Variants in S100A14 observed in about 807,000 individuals in gnomAD.
The protein encoded by S100A14 is S100 calcium binding protein A14.
In S100A14, 6 loss-of-function variants were observed where a neutral mutation model predicts 10.6. The observed-to-expected ratio is 0.57, with a 90% CI of 0.31 to 1.12. S100A14 has a LOEUF of 1.12. Among genes scored for constraint, S100A14 ranks in the 50% most tolerant of loss-of-function variants. The pLI is 0.06. For synonymous variants in S100A14, 51 were observed against 51.0 expected (o/e 1.00, Z 0.00); for missense variants, 121 against 128.7 (o/e 0.94, Z 0.29).
rs1163175130 is a variant in S100A14 at position 153,614,970 on chromosome 1, G to C, written c.230C>G (p.Ser77Cys). Residue 77 changes from serine (S) to cysteine (C), a missense_variant, in exon 4 of 4, where the codon TCT becomes TGT. Coordinates refer to ENST00000344616, the MANE Select transcript of S100A14 (RefSeq NM_020672.3). ...KIANLGSCND[S>C]KLEFRSFWEL... ...CCAGAAACTCCTGAACTCCAGTTTAGAGTCATTGCAGCTGCCCAGGTTGGC... is the reference window on the plus strand; with the variant it reads ...CCAGAAACTCCTGAACTCCAGTTTACAGTCATTGCAGCTGCCCAGGTTGGC... 2 of 1,613,994 alleles carry C rather than the reference G, an allele frequency of 1.2e-6. No individual in the cohort carries two copies. Among genetic ancestry groups the C allele is most frequent in the East Asian group, 2.2e-5 (1 of 44,878 alleles).
Position 153,615,928 on chromosome 1 carries a change from G to A in S100A14, c.-70C>T, listed in dbSNP as rs918050529. On this transcript the variant is annotated 5_prime_UTR_variant, in exon 2 of 4. Coordinates refer to ENST00000344616, the MANE Select transcript of S100A14 (RefSeq NM_020672.3). The stretch of plus-strand genomic sequence containing the variant: ...ATAGCTGGCCCCAGAGGAGCTGATG[G>A]CTCATGATCTGCTTAGAGGAGGGGG... 1.0e-5 allele frequency: 15 copies of A among 1,497,778 alleles called. No individual in the cohort carries two copies. The highest frequency in any genetic ancestry group is 1.4e-5 in the Non-Finnish European group (15 of 1,074,166). 92.8% of individuals were successfully genotyped at this position (1,497,778 alleles called of 1,614,324 possible).
chr1:153,615,938 T>C lies in S100A14; in HGVS notation c.-78-2A>G, dbSNP rs1303060479. 2 of 1,424,832 alleles carry C rather than the reference T, an allele frequency of 1.4e-6. No homozygotes were observed. The highest frequency in any genetic ancestry group is 2.0e-6 in the Non-Finnish European group (2 of 1,008,648). The allele number at this position is 1,424,832 out of a possible 1,614,324, so 88.3% of individuals were successfully genotyped here. On this transcript the variant is annotated splice_acceptor_variant, in intron 1 of 3. Coordinates refer to ENST00000344616, the MANE Select transcript of S100A14 (RefSeq NM_020672.3). LOFTEE classifies it low-confidence loss of function (5UTR_SPLICE). ...CCAGAGGAGCTGATGGCTCATGATCTGCTTAGAGGAGGGGGTAGGCCTGAG... is the reference window on the plus strand; with the variant it reads ...CCAGAGGAGCTGATGGCTCATGATCCGCTTAGAGGAGGGGGTAGGCCTGAG...
At position 153,615,915 on chromosome 1, in the gene S100A14, A is replaced by G; in HGVS notation, c.-57T>C. The stretch of plus-strand genomic sequence containing the variant: ...GTTCTGTTGTCCTATAGCTGGCCCC[A>G]GAGGAGCTGATGGCTCATGATCTGC... On this transcript the variant is annotated 5_prime_UTR_variant, in exon 2 of 4. Transcript: ENST00000344616. 1 of 1,578,402 alleles carries G rather than the reference A, an allele frequency of 6.3e-7. No individual in the cohort carries two copies. The highest frequency in any genetic ancestry group is 8.7e-7 in the Non-Finnish European group (1 of 1,147,668).
At chr1:153,616,185 C>T (rs1183616146) in intron 1 of S100A14, 110 bp downstream of exon 1, 1 of 281,846 alleles carries the variant, frequency 3.5e-6, no homozygotes, top group African/African-American at 2.1e-5. Context: ...CCCACCTCTG[C>T]TTGAAACACA....
At position 153,614,831 on chromosome 1, in the gene S100A14, T is replaced by C; in HGVS notation, c.*54A>G. On this transcript the variant is annotated 3_prime_UTR_variant, in exon 4 of 4. Transcript: ENST00000344616. ...GTGGTGGTAGAGGAGACAAGTTTTATCTCCAGGCCCACAGTCTCTCCCCAA... is the reference window on the plus strand; with the variant it reads ...GTGGTGGTAGAGGAGACAAGTTTTACCTCCAGGCCCACAGTCTCTCCCCAA... 1 of 1,586,790 alleles carries C rather than the reference T, an allele frequency of 6.3e-7. No individual in the cohort carries two copies. Among genetic ancestry groups the C allele is most frequent in the Non-Finnish European group, 8.6e-7 (1 of 1,167,096 alleles).
In S100A14 at chr1:153,614,825, G is replaced by C. The variant is rs1666923995; in HGVS notation, c.*60C>G. 1 of 1,580,816 alleles carries C rather than the reference G, an allele frequency of 6.3e-7. No individual in the cohort carries two copies. The highest frequency in any genetic ancestry group is 8.6e-7 in the Non-Finnish European group (1 of 1,163,310). ...TACAGGGTGGTGGTAGAGGAGACAA[G>C]TTTTATCTCCAGGCCCACAGTCTCT... On this transcript the variant is annotated 3_prime_UTR_variant, in exon 4 of 4. Transcript: ENST00000344616.
Position 153,614,752 on chromosome 1 carries a change from G to T in S100A14, c.*133C>A. 1 of 1,109,784 alleles carries T rather than the reference G, an allele frequency of 9.0e-7. No homozygotes were observed. Among genetic ancestry groups the T allele is most frequent in the Non-Finnish European group, 1.3e-6 (1 of 787,308 alleles). The allele number at this position is 1,109,784 out of a possible 1,614,324, so 68.7% of individuals were successfully genotyped here. On this transcript the variant is annotated 3_prime_UTR_variant, in exon 4 of 4. Coordinates refer to ENST00000344616, the MANE Select transcript of S100A14 (RefSeq NM_020672.3). Reference sequence around the variant, plus strand: ...CCAAGACAGAGTGCACAGAGACCTGGGGAAGGAAGCTGAACTTTGCAGAGA... The same window carrying T: ...CCAAGACAGAGTGCACAGAGACCTGTGGAAGGAAGCTGAACTTTGCAGAGA...
Position 153,615,039 on chromosome 1 carries a change from A to C in S100A14, c.178-17T>G. Reference sequence around the variant, plus strand: ...ACAGTTGCTCTGAGGGGAGTGAAGAAACCATGGCTCAGGGATGCAGCACCT... The same window carrying C: ...ACAGTTGCTCTGAGGGGAGTGAAGACACCATGGCTCAGGGATGCAGCACCT... On this transcript the variant is annotated splice_polypyrimidine_tract_variant and intron_variant, in intron 3 of 3. Coordinates refer to ENST00000344616, the MANE Select transcript of S100A14 (RefSeq NM_020672.3). 6.2e-7 allele frequency: 1 copy of C among 1,612,838 alleles called. No individual in the cohort carries two copies. The highest frequency in any genetic ancestry group is 8.5e-7 in the Non-Finnish European group (1 of 1,179,378).
At position 153,614,775 on chromosome 1, in the gene S100A14, A is replaced by C; in HGVS notation, c.*110T>G. On this transcript the variant is annotated 3_prime_UTR_variant, in exon 4 of 4. Transcript: ENST00000344616. ...TGGGGAAGGAAGCTGAACTTTGCAG[A>C]GATGAGGACAGGTGCAGGCTAGGGT... The C allele has an allele frequency of 7.6e-7, 1 of 1,321,720 alleles. No individual in the cohort carries two copies. The highest frequency in any genetic ancestry group is 1.0e-6 in the Non-Finnish European group (1 of 963,460). The allele number at this position is 1,321,720 out of a possible 1,614,324, so 81.9% of individuals were successfully genotyped here.
chr1:153,615,055 T>G lies in S100A14; in HGVS notation c.178-33A>C, dbSNP rs750997012. On this transcript the variant is annotated intron_variant, in intron 3 of 3. Transcript: ENST00000344616. ...GAGTGAAGAAACCATGGCTCAGGGA[T>G]GCAGCACCTTCCAATCTTCCCACCC... 5 of 1,609,168 alleles carry G rather than the reference T, an allele frequency of 3.1e-6. No homozygotes were observed. The East Asian group carries it at 8.9e-5, about 29-fold the overall frequency.
chr1:153,614,588 C>A lies in S100A14; in HGVS notation c.*297G>T. 3.1e-6 allele frequency: 1 copy of A among 321,142 alleles called. No homozygotes were observed. Among genetic ancestry groups the A allele is most frequent in the Non-Finnish European group, 5.7e-6 (1 of 174,528 alleles). 19.9% of individuals were successfully genotyped at this position (321,142 alleles called of 1,614,324 possible). On this transcript the variant is annotated 3_prime_UTR_variant, in exon 4 of 4. Coordinates refer to ENST00000344616, the MANE Select transcript of S100A14 (RefSeq NM_020672.3). The stretch of plus-strand genomic sequence containing the variant: ...ATTCAAATCATTTCCCATAGCCCAG[C>A]TCCTCTCTGTTCTCCCCCTACTACC...
chr1:153,614,807 T>G lies in S100A14; in HGVS notation c.*78A>C. ...GACAGGTGCAGGCTAGGGTACAGGG[T>G]GGTGGTAGAGGAGACAAGTTTTATC... is the stretch of plus-strand genomic sequence containing the variant. On this transcript the variant is annotated 3_prime_UTR_variant, in exon 4 of 4. Coordinates refer to ENST00000344616, the MANE Select transcript of S100A14 (RefSeq NM_020672.3). 1 of 1,525,318 alleles carries G rather than the reference T, an allele frequency of 6.6e-7. No homozygotes were observed. The allele number at this position is 1,525,318 out of a possible 1,614,324, so 94.5% of individuals were successfully genotyped here.
chr1:153,615,801 C>CA, intron 2 of S100A14, 28 bp downstream of exon 2: 4 of 1,613,244 alleles, frequency 2.5e-6, no homozygotes, highest in Non-Finnish European at 3.4e-6. Context: ...AGTGTGGGAG[C>CA]AGAAAGGCCA....
intron 2 of S100A14, among the ~76,000 whole-genome samples, 192 bp from the exon 3 acceptor site, chr1:153,615,573 T>C (rs905786828): frequency 1.3e-5 from 2 of 151,692 alleles, no homozygotes; most frequent in Non-Finnish European, 2.9e-5. Flanking sequence ...CAGCTACAGG[T>C]TGGGGAAGGC....
intron 3 of S100A14, 56 bp downstream of exon 3, chr1:153,615,179 A>G: frequency 6.2e-7 from 1 of 1,604,598 alleles, no homozygotes; most frequent in Non-Finnish European, 8.5e-7. Flanking sequence ...GGGGTCCCGG[A>G]GCACTTGCTT....
Position 153,615,937 on chromosome 1 carries a change from C to A in S100A14, c.-78-1G>T. ...CCCAGAGGAGCTGATGGCTCATGAT[C>A]TGCTTAGAGGAGGGGGTAGGCCTGA... is the stretch of plus-strand genomic sequence containing the variant. On this transcript the variant is annotated splice_acceptor_variant, in intron 1 of 3. Coordinates refer to ENST00000344616, the MANE Select transcript of S100A14 (RefSeq NM_020672.3). LOFTEE classifies it low-confidence loss of function (5UTR_SPLICE). 1 of 1,446,284 alleles carries A rather than the reference C, an allele frequency of 6.9e-7. No individual in the cohort carries two copies. The highest frequency in any genetic ancestry group is 1.1e-5 in the South Asian group (1 of 87,564). 89.6% of individuals were successfully genotyped at this position (1,446,284 alleles called of 1,614,324 possible).
intron 1 of S100A14, 32 bp from the exon 2 acceptor site, chr1:153,615,968 GGA>G (rs932397919): frequency 9.6e-7 from 1 of 1,046,300 alleles, no homozygotes; most frequent in Non-Finnish European, 1.5e-6. Flanking sequence ...CCTGAGCTGA[GGA>G]GAGAGTCTAG....
In S100A14 at chr1:153,614,832, C is replaced by T. The variant is rs11548104; in HGVS notation, c.*53G>A. ...TGGTGGTAGAGGAGACAAGTTTTAT[C>T]TCCAGGCCCACAGTCTCTCCCCAAC... On this transcript the variant is annotated 3_prime_UTR_variant, in exon 4 of 4. Transcript: ENST00000344616. 881,135 of 1,587,046 alleles carry T rather than the reference C, an allele frequency of 0.56. 248,612 individuals carry two copies. Among genetic ancestry groups the T allele is most frequent in the Admixed American group, 0.73 (41,588 of 56,854 alleles).
Position 153,615,839 on chromosome 1 carries a change from G to C in S100A14, c.20C>G (p.Ala7Gly), listed in dbSNP as rs377690789. The change falls in exon 2 of 4, where the codon GCC becomes GGC. Residue 7 changes from alanine to glycine, a missense_variant. Ala to Gly is a moderately conservative substitution (Grantham distance 60, BLOSUM62 0). Transcript: ENST00000344616. ...AGTGAATGAGCCCACCTCTGCGTTG[G>C]CTGACCGACACTGTCCCATGGTGCC... MGQCRS[A>G]NAEDAQEFSD... The C allele has an allele frequency of 7.2e-5, 116 of 1,613,916 alleles. No homozygotes were observed. Among genetic ancestry groups the C allele is most frequent in the Non-Finnish European group, 9.6e-5 (113 of 1,179,902 alleles).
Sources: gnomAD v4.1 joint callset for allele counts (sites outside exome capture counted in the v4.1 genomes callset) on GRCh38, gnomAD v4.1.1 for gene constraint, MANE v1.5 for transcripts, NCBI Gene and HGNC (gene_info 2026-07-23, HGNC 2026-07-21) for gene names.